Variants in RNF212B observed in about 807,000 individuals in gnomAD.
The protein encoded by RNF212B is ring finger protein 212B.
In RNF212B, 52 loss-of-function variants were observed where a neutral mutation model predicts 55.5. That is an observed-to-expected ratio of 0.94 (90% CI 0.75 to 1.18). The LOEUF (loss-of-function observed/expected upper bound fraction) is 1.18, where lower values mean the gene tolerates loss of function less well. Ranked by LOEUF, RNF212B falls within the 50% of genes most tolerant of loss-of-function variation. The probability of loss-of-function intolerance (pLI) is 0.00; values close to 1 mark genes in which losing one functional copy is unlikely to be tolerated. For synonymous variants in RNF212B, 99 were observed against 121.4 expected (o/e 0.82, Z 1.21); for missense variants, 289 against 350.4 (o/e 0.82, Z 1.40).
intron 2 of RNF212B, among the ~76,000 whole-genome samples, chr14:23,199,086 ACT>A (rs1360954686): frequency 1.3e-5 from 2 of 152,140 alleles, no homozygotes; most frequent in African/African-American, 4.8e-5. Flanking sequence ...AATACTGTGA[ACT>A]CTGAAAATTT....
intron 2 of RNF212B, among the ~76,000 whole-genome samples, chr14:23,210,102 G>A (rs8010666): frequency 0.033 from 4,960 of 152,292 alleles, 265 homozygotes; most frequent in African/African-American, 0.11. Flanking sequence ...AGGGAGCCAA[G>A]ATTGCACCAC....
chr14:23,238,028 G>T lies in RNF212B; in HGVS notation c.-29G>T, dbSNP rs765151785. ...ACTGGATGATTTCCTGAGATCTGAG[G>T]CTTTCTGGAATCACAGCGGCCAAGC... On this transcript the variant is annotated 5_prime_UTR_variant, in exon 1 of 15. Transcript: ENST00000430154. Among the ~76,000 whole-genome samples the T allele has an allele frequency of 1.3e-5, 2 of 152,190 alleles. No individual in the cohort carries two copies. Among genetic ancestry groups the T allele is most frequent in the Non-Finnish European group, 2.9e-5 (2 of 68,034 alleles).
intron 1 of RNF212B, among the ~76,000 whole-genome samples, chr14:23,238,737 A>AAAT (rs34688858): frequency 0.16 from 21,262 of 135,930 alleles, 1,653 homozygotes; most frequent in East Asian, 0.19. Flanking sequence ...CCCTGTCTCA[A>AAAT]AATAATAATA....
intron 11 of RNF212B, among the ~76,000 whole-genome samples, chr14:23,266,930 G>T (rs1885748574): frequency 6.6e-6 from 1 of 152,096 alleles, no homozygotes; most frequent in South Asian, 2.1e-4. Context: ...TGAAAGTGGG[G>T]TATTAAAGTC....
upstream of RNF212B, among the ~76,000 whole-genome samples, chr14:23,233,860 G>A (rs1395945929): frequency 6.6e-6 from 1 of 152,092 alleles, no homozygotes; most frequent in East Asian, 1.9e-4. Flanking sequence ...ACTTTGGGAA[G>A]CCAAGGTGGG....
chr14:23,216,106 T>C (rs2140398882), intron 2 of RNF212B, among the ~76,000 whole-genome samples: 1 of 151,400 alleles, frequency 6.6e-6, no homozygotes, highest in Admixed American at 6.6e-5. Context: ...ATTAGCTGAG[T>C]GTGGTGGCGG....
intron 1 of RNF212B, among the ~76,000 whole-genome samples, chr14:23,185,697 T>G (rs1357591448): frequency 6.6e-6 from 1 of 152,234 alleles, no homozygotes; most frequent in African/African-American, 2.4e-5. Flanking sequence ...ACAGCGGTAC[T>G]AGGTGCACAC....
At chr14:23,264,505 T>A in intron 10 of RNF212B, 118 bp from the exon 11 acceptor site, 2 of 781,894 alleles carry the variant, frequency 2.6e-6, no homozygotes, top group Non-Finnish European at 3.9e-6. Flanking sequence ...CTTTGACTAG[T>A]ATGCCCACTG....
chr14:23,218,759 TA>T (rs1881312604), intron 2 of RNF212B, among the ~76,000 whole-genome samples: 1 of 152,152 alleles, frequency 6.6e-6, no homozygotes, highest in South Asian at 2.1e-4. Flanking sequence ...GAAAGAGAGC[TA>T]GGGGTAGAAA....
chr14:23,233,770 A>G (rs112136297), upstream of RNF212B, among the ~76,000 whole-genome samples: 86 of 150,974 alleles, frequency 5.7e-4, no homozygotes, highest in African/African-American at 9.7e-4. Context: ...AAGAGTTCTC[A>G]AAACTCAACA....
intron 4 of RNF212B, among the ~76,000 whole-genome samples, 175 bp downstream of exon 4, chr14:23,244,571 C>T (rs777726357): frequency 6.6e-6 from 1 of 152,168 alleles, no homozygotes; most frequent in Non-Finnish European, 1.5e-5. Context: ...TTTTTATTGA[C>T]CCAGAATCTG....
chr14:23,218,246 T>C (rs1189572866), intron 2 of RNF212B, among the ~76,000 whole-genome samples: 1 of 151,866 alleles, frequency 6.6e-6, no homozygotes, highest in Non-Finnish European at 1.5e-5. Flanking sequence ...CACACACCTG[T>C]AGTCCCAGCT....
chr14:23,258,691 AG>A, intron 5 of RNF212B, 27 bp downstream of exon 5: 1 of 867,922 alleles, frequency 1.2e-6, no homozygotes, highest in Non-Finnish European at 1.7e-6. Context: ...GTCCCAAGAG[AG>A]CTTTTTTTTT....
intron 2 of RNF212B, among the ~76,000 whole-genome samples, chr14:23,197,519 C>T (rs1222563978): frequency 6.6e-6 from 1 of 151,808 alleles, no homozygotes; most frequent in Non-Finnish European, 1.5e-5. Flanking sequence ...GAGCGAGACT[C>T]CATCTCAAAA....
chr14:23,241,387 G>C (rs1205008970), intron 2 of RNF212B, among the ~76,000 whole-genome samples: 1 of 152,098 alleles, frequency 6.6e-6, no homozygotes, highest in Non-Finnish European at 1.5e-5. Flanking sequence ...TAAAGAGCCT[G>C]AACTTCATCC....
At chr14:23,195,345 G>C (rs996529551) in intron 2 of RNF212B, among the ~76,000 whole-genome samples, 1 of 151,980 alleles carries the variant, frequency 6.6e-6, no homozygotes, top group African/African-American at 2.4e-5. Context: ...AGAAAACATG[G>C]AAGATTTATA....
chr14:23,248,056 C>T (rs1884115107), intron 4 of RNF212B, among the ~76,000 whole-genome samples: 1 of 152,082 alleles, frequency 6.6e-6, no homozygotes, highest in African/African-American at 2.4e-5. Context: ...CAAGATAATG[C>T]CTTCTTGCTG....
At chr14:23,270,793 T>C in intron 14 of RNF212B, 132 bp downstream of exon 14, 1 of 649,964 alleles carries the variant, frequency 1.5e-6, no homozygotes, top group East Asian at 2.8e-5. Flanking sequence ...AACTATATGT[T>C]CACAATCTTC....
intron 4 of RNF212B, among the ~76,000 whole-genome samples, chr14:23,254,425 G>A (rs897471196): frequency 2.6e-5 from 4 of 152,076 alleles, no homozygotes; most frequent in Non-Finnish European, 5.9e-5. Context: ...TTTGAGACCA[G>A]CTTGGGCAAC....
Sources: gnomAD v4.1 joint callset for allele counts (sites outside exome capture counted in the v4.1 genomes callset) on GRCh38, gnomAD v4.1.1 for gene constraint, MANE v1.5 for transcripts, NCBI Gene and HGNC (gene_info 2026-07-23, HGNC 2026-07-21) for gene names.